CTNND2: variants seen among roughly 807,000 people sequenced by gnomAD.
The protein encoded by CTNND2 is catenin delta-2.
In CTNND2, 22 loss-of-function variants were observed where a neutral mutation model predicts 144.4. The ratio of observed to expected loss-of-function variants is 0.15; its 90% CI spans 0.11 to 0.22. CTNND2 has a LOEUF of 0.22. Ranked by LOEUF, CTNND2 falls within the 10% of genes least tolerant of loss-of-function variation. The pLI is 1.00. For missense variants in CTNND2, 1,353 were observed against 1,618.8 expected (o/e 0.84, Z 2.82); for synonymous variants, 751 against 695.6 (o/e 1.08, Z -1.25).
At chr5:11,740,693 A>G (rs1471841827) in intron 1 of CTNND2, among the ~76,000 whole-genome samples, 1 of 152,206 alleles carries the variant, frequency 6.6e-6, no homozygotes, top group Non-Finnish European at 1.5e-5. Flanking sequence ...GACAAATGAG[A>G]TCTAATTAAA....
intron 9 of CTNND2, among the ~76,000 whole-genome samples, chr5:11,270,403 T>C (rs1252304316): frequency 3.9e-5 from 6 of 152,026 alleles, no homozygotes; most frequent in Non-Finnish European, 5.9e-5. Flanking sequence ...AACAACTATG[T>C]AACTTGTCAG....
At chr5:11,895,060 T>C (rs1371508194) in intron 1 of CTNND2, among the ~76,000 whole-genome samples, 2 of 152,084 alleles carry the variant, frequency 1.3e-5, no homozygotes, top group Non-Finnish European at 2.9e-5. Context: ...TAGAAAATCA[T>C]GTGTTTGCCT....
intron 1 of CTNND2, among the ~76,000 whole-genome samples, chr5:11,777,102 A>G (rs1432260025): frequency 6.6e-6 from 1 of 152,202 alleles, no homozygotes; most frequent in Non-Finnish European, 1.5e-5. Flanking sequence ...TGTATAAGCA[A>G]GTTCTCACTT....
intron 9 of CTNND2, among the ~76,000 whole-genome samples, chr5:11,310,311 A>G (rs406309): frequency 0.3 from 45,248 of 151,820 alleles, 7,582 homozygotes; most frequent in South Asian, 0.47. Context: ...AGGTGTTCCA[A>G]AAAATCCTTG....
intron 1 of CTNND2, among the ~76,000 whole-genome samples, chr5:11,796,612 A>G (rs1310830223): frequency 6.6e-6 from 1 of 152,178 alleles, no homozygotes; most frequent in Non-Finnish European, 1.5e-5. Flanking sequence ...AACATTTTCA[A>G]ACATAAGCAT....
chr5:11,122,750 A>G (rs1333007174), intron 12 of CTNND2, among the ~76,000 whole-genome samples: 2 of 151,862 alleles, frequency 1.3e-5, no homozygotes, highest in African/African-American at 4.8e-5. Flanking sequence ...GGCTGTCTGG[A>G]GGGTGTTAGA....
At chr5:10,977,203 T>G (rs1189491703) in intron 21 of CTNND2, among the ~76,000 whole-genome samples, 1 of 152,202 alleles carries the variant, frequency 6.6e-6, no homozygotes. Flanking sequence ...ATCTTCCTCA[T>G]TTCTGCAGAC....
At chr5:11,102,705 G>A (rs1752017140) in intron 14 of CTNND2, among the ~76,000 whole-genome samples, 1 of 151,392 alleles carries the variant, frequency 6.6e-6, no homozygotes, top group Non-Finnish European at 1.5e-5. Context: ...AAAATTTTTG[G>A]AAAAAAAAGA....
intron 2 of CTNND2, among the ~76,000 whole-genome samples, chr5:11,701,429 AAT>A (rs1785427774): frequency 6.6e-6 from 1 of 152,238 alleles, no homozygotes; most frequent in South Asian, 2.1e-4. Context: ...AAATTTAATC[AAT>A]AGACATCTTT....
intron 18 of CTNND2, among the ~76,000 whole-genome samples, chr5:11,005,371 T>C (rs1037983205): frequency 6.6e-6 from 1 of 152,180 alleles, no homozygotes; most frequent in Non-Finnish European, 1.5e-5. Context: ...ATCAGGAGAA[T>C]GGCCAGGTCA....
intron 9 of CTNND2, among the ~76,000 whole-genome samples, chr5:11,326,291 A>G (rs1752511139): frequency 1.3e-5 from 2 of 152,154 alleles, no homozygotes; most frequent in African/African-American, 4.8e-5. Context: ...TTTGGTTTTT[A>G]TAGATGCAAG....
chr5:11,873,176 T>C (rs1735292023), intron 1 of CTNND2, among the ~76,000 whole-genome samples: 1 of 152,204 alleles, frequency 6.6e-6, no homozygotes. Flanking sequence ...GTGTTATGCT[T>C]ATCTGTCCAA....
intron 3 of CTNND2, 96 bp from the exon 4 acceptor site, chr5:11,412,165 A>G: frequency 2.3e-6 from 2 of 862,758 alleles, no homozygotes; most frequent in Non-Finnish European, 3.9e-6. Context: ...GGGTAGTAAC[A>G]GTGGCCCCGT....
intron 1 of CTNND2, among the ~76,000 whole-genome samples, chr5:11,855,750 T>C (rs1032641846): frequency 2.6e-5 from 4 of 152,124 alleles, no homozygotes; most frequent in Admixed American, 2.0e-4. Context: ...TGGCAACCTC[T>C]CAGATATGTG....
intron 17 of CTNND2, among the ~76,000 whole-genome samples, 169 bp downstream of exon 17, chr5:11,022,600 C>A (rs1742377021): frequency 6.6e-6 from 1 of 152,160 alleles, no homozygotes; most frequent in African/African-American, 2.4e-5. Flanking sequence ...GTCCATTTTA[C>A]CAACAGTAAG....
intron 1 of CTNND2, among the ~76,000 whole-genome samples, chr5:11,876,609 G>A (rs1446651017): frequency 9.9e-5 from 15 of 152,106 alleles, no homozygotes; most frequent in Admixed American, 9.8e-4. Flanking sequence ...ATAAAGCTGG[G>A]AGAAATAGTC....
intron 10 of CTNND2, among the ~76,000 whole-genome samples, chr5:11,231,458 G>A (rs1213037956): frequency 6.6e-6 from 1 of 152,206 alleles, no homozygotes; most frequent in Non-Finnish European, 1.5e-5. Flanking sequence ...TCCAGGCTGA[G>A]GTGGTCTCAG....
intron 1 of CTNND2, among the ~76,000 whole-genome samples, chr5:11,744,710 TGC>T (rs1788214755): frequency 1.3e-5 from 2 of 151,500 alleles, no homozygotes; most frequent in Non-Finnish European, 2.9e-5. Flanking sequence ...TGTGTGTGTG[TGC>T]ACGTGTGTGT....
At chr5:11,358,081 G>A (rs1287531699) in intron 8 of CTNND2, among the ~76,000 whole-genome samples, 1 of 152,096 alleles carries the variant, frequency 6.6e-6, no homozygotes, top group Non-Finnish European at 1.5e-5. Context: ...ACATTGCTAC[G>A]CTTAATGATG....
Sources: gnomAD v4.1 joint callset for allele counts (sites outside exome capture counted in the v4.1 genomes callset) on GRCh38, gnomAD v4.1.1 for gene constraint, MANE v1.5 for transcripts, NCBI Gene and HGNC (gene_info 2026-07-23, HGNC 2026-07-21) for gene names.